SATB2: variants seen among roughly 807,000 people sequenced by gnomAD.
The protein encoded by SATB2 is SATB homeobox 2.
A neutral mutation model predicts 73.4 loss-of-function variants in SATB2; 1 was observed. That is an observed-to-expected ratio of 0.01 (90% CI 0.00 to 0.06). The LOEUF is 0.06. Among genes scored for constraint, SATB2 ranks in the 10% least tolerant of loss-of-function variants. The probability of loss-of-function intolerance (pLI) is 1.00; values close to 1 mark genes in which losing one functional copy is unlikely to be tolerated. For missense variants in SATB2, 459 were observed against 945.8 expected (o/e 0.49, Z 6.75); for synonymous variants, 397 against 367.0 (o/e 1.08, Z -0.93).
chr2:199,413,291 C>T (rs1317537049), intron 3 of SATB2, among the ~76,000 whole-genome samples: 1 of 152,144 alleles, frequency 6.6e-6, no homozygotes, highest in Admixed American at 6.5e-5. Flanking sequence ...AACTGAGGTT[C>T]AAAGAAGTAG....
chr2:199,415,128 G>A (rs753529060), intron 3 of SATB2, among the ~76,000 whole-genome samples: 2 of 152,194 alleles, frequency 1.3e-5, no homozygotes, highest in Non-Finnish European at 2.9e-5. Flanking sequence ...AATTATGTGC[G>A]TATTAAAATA....
At chr2:199,453,969 T>A (rs528003446) in intron 2 of SATB2, among the ~76,000 whole-genome samples, 3 of 152,078 alleles carry the variant, frequency 2.0e-5, no homozygotes, top group Non-Finnish European at 2.9e-5. Flanking sequence ...ATTAAGTTAA[T>A]CAAGAGAAAG....
intron 2 of SATB2, among the ~76,000 whole-genome samples, chr2:199,439,962 G>A (rs1182398895): frequency 6.6e-6 from 1 of 152,010 alleles, no homozygotes; most frequent in Non-Finnish European, 1.5e-5. Flanking sequence ...AAAACTAGCC[G>A]GACATGGTGG....
chr2:199,356,794 T>G (rs1427842749), intron 6 of SATB2, among the ~76,000 whole-genome samples: 1 of 152,152 alleles, frequency 6.6e-6, no homozygotes, highest in Non-Finnish European at 1.5e-5. Context: ...ATTTTCATAT[T>G]TTTACTACTA....
In SATB2 at chr2:199,271,941, A is replaced by AT; in HGVS notation, c.*269dup. On this transcript the variant is annotated 3_prime_UTR_variant, in exon 11 of 11. Coordinates refer to ENST00000417098, the MANE Select transcript of SATB2 (RefSeq NM_001172509.2). Reference sequence around the variant, plus strand: ...TGATTATAATGACTATGATCCAGTCATAGAGACGGGATAAAGTGTAACGCT... The same window carrying AT: ...TGATTATAATGACTATGATCCAGTCATTAGAGACGGGATAAAGTGTAACGCT... 2.0e-6 allele frequency: 1 copy of AT among 500,282 alleles called. No individual in the cohort carries two copies. The highest frequency in any genetic ancestry group is 3.6e-6 in the Non-Finnish European group (1 of 275,930). The allele number at this position is 500,282 out of a possible 1,614,324, so 31.0% of individuals were successfully genotyped here.
chr2:199,391,219 G>A (rs1221496005), intron 3 of SATB2, among the ~76,000 whole-genome samples: 3 of 152,000 alleles, frequency 2.0e-5, no homozygotes, highest in Non-Finnish European at 4.4e-5. Flanking sequence ...GCCGAGGCGG[G>A]TGGATCACAA....
chr2:199,468,419 A>G (rs975097520), upstream of SATB2, among the ~76,000 whole-genome samples: 2 of 152,184 alleles, frequency 1.3e-5, no homozygotes, highest in East Asian at 1.9e-4. Context: ...ACTCTGCCAC[A>G]GGACATTAGC....
At chr2:199,302,223 A>G (rs796368318) in intron 10 of SATB2, among the ~76,000 whole-genome samples, 6 of 152,288 alleles carry the variant, frequency 3.9e-5, no homozygotes, top group African/African-American at 1.4e-4. Context: ...GAACTTCTTC[A>G]GCTTTGTGAT....
chr2:199,406,788 G>A (rs1477126131), intron 3 of SATB2, among the ~76,000 whole-genome samples: 1 of 152,038 alleles, frequency 6.6e-6, no homozygotes, highest in Non-Finnish European at 1.5e-5. Flanking sequence ...AAAAATGGGT[G>A]TAATTCCATG....
At chr2:199,419,039 A>G (rs1574610963) in intron 3 of SATB2, among the ~76,000 whole-genome samples, 1 of 152,306 alleles carries the variant, frequency 6.6e-6, no homozygotes, top group African/African-American at 2.4e-5. Flanking sequence ...TCTCTCCCAC[A>G]CAGACAACCA....
chr2:199,279,908 A>G lies in SATB2; in HGVS notation c.1741-7236T>C, dbSNP rs550165926. ...ATAATCCCAACACTTTGGGAGGCCA[A>G]GGCGGGCGGATCACTTGAGTTCAGG... On this transcript the variant is annotated intron_variant, in intron 10 of 10. Transcript: ENST00000417098. 2.0e-5 allele frequency among the ~76,000 whole-genome samples: 3 copies of G among 152,354 alleles called. No individual in the cohort carries two copies. The East Asian group carries it at 5.8e-4, about 29-fold the overall frequency.
At chr2:199,342,613 T>A (rs1161518526) in intron 7 of SATB2, among the ~76,000 whole-genome samples, 1 of 152,112 alleles carries the variant, frequency 6.6e-6, no homozygotes, top group African/African-American at 2.4e-5. Flanking sequence ...ATGTGCTGTA[T>A]CCCTACCCCA....
rs200270752 is a variant in SATB2 at position 199,357,824 on chromosome 2, T to C, written c.701-8651A>G. On this transcript the variant is annotated intron_variant, in intron 6 of 10. Transcript: ENST00000417098. The stretch of plus-strand genomic sequence containing the variant: ...ACTCCCACCTGACTGATGAAAGATA[T>C]GAATCACACAGCAGAGAGCTTTCTC... 3.9e-5 allele frequency among the ~76,000 whole-genome samples: 6 copies of C among 152,126 alleles called. 1 individual carries two copies. In the East Asian group the frequency reaches 9.6e-4, roughly 24 times the overall value.
intron 3 of SATB2, among the ~76,000 whole-genome samples, chr2:199,402,794 A>G (rs773569782): frequency 4.6e-5 from 7 of 152,212 alleles, no homozygotes; most frequent in Non-Finnish European, 1.0e-4. Flanking sequence ...ACATTTAAAA[A>G]TATCAATGCT....
At chr2:199,387,634 T>G (rs1281282741) in intron 3 of SATB2, among the ~76,000 whole-genome samples, 1 of 152,238 alleles carries the variant, frequency 6.6e-6, no homozygotes, top group Non-Finnish European at 1.5e-5. Flanking sequence ...GCCTTTATTT[T>G]GGGGTTGAAA....
chr2:199,363,425 T>C (rs1689194772), intron 6 of SATB2, among the ~76,000 whole-genome samples: 1 of 152,164 alleles, frequency 6.6e-6, no homozygotes, highest in African/African-American at 2.4e-5. Flanking sequence ...TTCTCACTTA[T>C]ATGTGGAATT....
At chr2:199,334,414 AT>A (rs1312990960) in intron 7 of SATB2, among the ~76,000 whole-genome samples, 1 of 152,212 alleles carries the variant, frequency 6.6e-6, no homozygotes, top group Non-Finnish European at 1.5e-5. Context: ...AATTGGTGTC[AT>A]AACCAATTAG....
chr2:199,293,057 C>T (rs1692919176), intron 10 of SATB2, among the ~76,000 whole-genome samples: 1 of 152,038 alleles, frequency 6.6e-6, no homozygotes, highest in Non-Finnish European at 1.5e-5. Flanking sequence ...AAATGAAATA[C>T]CACATTTGAT....
In SATB2 at chr2:199,464,219, G is replaced by C. The variant is rs1305224895; in HGVS notation, c.-141+617C>G. Among the ~76,000 whole-genome samples the C allele has an allele frequency of 1.3e-5, 2 of 152,122 alleles. No individual in the cohort carries two copies. The highest frequency in any genetic ancestry group is 6.5e-5 in the Admixed American group (1 of 15,290). ...CAAGTGACTGTGACGGCGGCGACTC[G>C]GGCTCAGTTCTCCCCCACCCCGTGG... On this transcript the variant is annotated intron_variant, in intron 1 of 11. Transcript: ENST00000260926. This position sits in a 1 kb window ranked among gnomAD's most constrained non-coding sequence, Gnocchi z 6.6.
Sources: gnomAD v4.1 joint callset for allele counts (sites outside exome capture counted in the v4.1 genomes callset) on GRCh38, gnomAD v4.1.1 for gene constraint, Gnocchi (gnomAD v3.1) non-coding constraint, MANE v1.5 for transcripts, NCBI Gene and HGNC (gene_info 2026-07-23, HGNC 2026-07-21) for gene names.